The following LIMS1 variants were observed in gnomAD, a reference collection of about 807,000 sequenced individuals.
The protein encoded by LIMS1 is LIM and senescent cell antigen-like-containing domain protein 1.
LIMS1 carries 18 observed loss-of-function variants against 44.1 expected under a neutral mutation model. The observed-to-expected ratio is 0.41, with a 90% CI of 0.28 to 0.61. The LOEUF is 0.61. Ranked by LOEUF, LIMS1 falls within the 20% of genes least tolerant of loss-of-function variation. The pLI is 0.32. For synonymous variants in LIMS1, 93 were observed against 149.1 expected (o/e 0.62, Z 2.74); for missense variants, 201 against 422.0 (o/e 0.48, Z 4.59).
chr2:108,585,787 ATAAGGACTG>A (rs781306397), intron 1 of LIMS1, among the ~76,000 whole-genome samples: 33 of 152,138 alleles, frequency 2.2e-4, no homozygotes, highest in Non-Finnish European at 4.0e-4. Context: ...CAAATGTAAG[ATAAGGACTG>A]AAAAATGCCT....
At chr2:108,607,258 G>T (rs1020305386) in intron 1 of LIMS1, 2 of 1,550,872 alleles carry the variant, frequency 1.3e-6, no homozygotes, top group African/African-American at 2.7e-5. Flanking sequence ...ATGACATGGT[G>T]AGTGCTGCTG....
At chr2:108,619,360 CTT>C (rs747176925) in intron 1 of LIMS1, among the ~76,000 whole-genome samples, 22 of 134,550 alleles carry the variant, frequency 1.6e-4, no homozygotes, top group Middle Eastern at 3.6e-3. Flanking sequence ...TGTTTCTGTT[CTT>C]TTTTTTTTTT....
chr2:108,671,709 C>T (rs1214164713), intron 3 of LIMS1, among the ~76,000 whole-genome samples: 1 of 152,134 alleles, frequency 6.6e-6, no homozygotes, highest in Admixed American at 6.5e-5. Context: ...TCTATGTTGA[C>T]AATGACCAGA....
At chr2:108,576,503 C>A (rs976586713) in intron 1 of LIMS1, among the ~76,000 whole-genome samples, 1 of 152,116 alleles carries the variant, frequency 6.6e-6, no homozygotes, top group Non-Finnish European at 1.5e-5. Context: ...CGGGTTCAAG[C>A]GATTCTTCTG....
At chr2:108,661,864 C>A (rs1691396928) in intron 2 of LIMS1, among the ~76,000 whole-genome samples, 1 of 152,100 alleles carries the variant, frequency 6.6e-6, no homozygotes, top group African/African-American at 2.4e-5. Context: ...TATATGAATC[C>A]CTTCTGTATC....
At chr2:108,551,180 A>G (rs987223121) in intron 1 of LIMS1, among the ~76,000 whole-genome samples, 15 of 151,768 alleles carry the variant, frequency 9.9e-5, no homozygotes, top group African/African-American at 3.6e-4. Flanking sequence ...TTTAAATGCT[A>G]TAAAATTCAC....
At chr2:108,611,639 G>A (rs553261285) in intron 1 of LIMS1, among the ~76,000 whole-genome samples, 58 of 152,102 alleles carry the variant, frequency 3.8e-4, no homozygotes, top group Middle Eastern at 3.4e-3. Context: ...CAGCTCTGTG[G>A]GAGGCCGGGG....
chr2:108,671,004 C>G, intron 3 of LIMS1, 157 bp downstream of exon 3: 3 of 1,050,244 alleles, frequency 2.9e-6, no homozygotes, highest in Non-Finnish European at 2.9e-6. Flanking sequence ...AACCCCGTCT[C>G]TACTAAAAAT....
intron 1 of LIMS1, among the ~76,000 whole-genome samples, chr2:108,566,973 T>C (rs1195202756): frequency 6.6e-6 from 1 of 152,158 alleles, no homozygotes; most frequent in Non-Finnish European, 1.5e-5. Context: ...TCTCCAGAAC[T>C]TTTTCATCTT....
Position 108,598,861 on chromosome 2 carries a change from A to G in LIMS1, c.33-60744A>G, listed in dbSNP as rs557430668. 5.0e-3 allele frequency among the ~76,000 whole-genome samples: 759 copies of G among 152,076 alleles called. 6 individuals carry two copies. Among genetic ancestry groups the G allele is most frequent in the African/African-American group, 0.017 (720 of 41,462 alleles). Reference sequence around the variant, plus strand: ...GAAAAATCTGTTTTCTCAAGGCTCTATAGTAATGATATTTTGTTTAAGTTT... The same window carrying G: ...GAAAAATCTGTTTTCTCAAGGCTCTGTAGTAATGATATTTTGTTTAAGTTT... On this transcript the variant is annotated intron_variant, in intron 1 of 9. Coordinates refer to ENST00000544547, the Ensembl canonical transcript of LIMS1.
intron 1 of LIMS1, among the ~76,000 whole-genome samples, chr2:108,540,459 A>G (rs1435027755): frequency 6.6e-6 from 1 of 152,086 alleles, no homozygotes; most frequent in Non-Finnish European, 1.5e-5. Context: ...CGGCCTCCCA[A>G]AGTGCTGGGA....
In LIMS1 at chr2:108,627,345, G is replaced by A. The variant is rs189723440; in HGVS notation, c.33-32260G>A. ...AGCAGTGTTGATGCTTAAAAATCAG[G>A]TCTGTTAAAGGAATGATAAGAAGTA... On this transcript the variant is annotated intron_variant, in intron 1 of 9. Coordinates refer to ENST00000544547, the Ensembl canonical transcript of LIMS1. 2.0e-3 allele frequency among the ~76,000 whole-genome samples: 309 copies of A among 151,012 alleles called. 3 individuals carry two copies. Among genetic ancestry groups the A allele is most frequent in the African/African-American group, 7.1e-3 (292 of 41,126 alleles).
intron 1 of LIMS1, among the ~76,000 whole-genome samples, chr2:108,619,482 G>A (rs1310489212): frequency 1.3e-5 from 2 of 151,870 alleles, no homozygotes; most frequent in Non-Finnish European, 2.9e-5. Flanking sequence ...CTTGGAGTTC[G>A]AGACCAGCCT....
chr2:108,676,630 A>C, exon 7 of LIMS1: 1 of 1,560,388 alleles, frequency 6.4e-7, no homozygotes, highest in Non-Finnish European at 8.6e-7. Flanking sequence ...CAAGTGTGAG[A>C]AACCCTTTCT....
At chr2:108,682,553 T>A (rs911517080) in intron 9 of LIMS1, among the ~76,000 whole-genome samples, 2 of 152,152 alleles carry the variant, frequency 1.3e-5, no homozygotes, top group Non-Finnish European at 2.9e-5. Context: ...AGGTAGTCTG[T>A]CTGAAAACAG....
rs539981427 is a variant in LIMS1 at position 108,593,026 on chromosome 2, A to G, written c.32+58432A>G. 7.2e-5 allele frequency among the ~76,000 whole-genome samples: 11 copies of G among 152,262 alleles called. No homozygotes were observed. The South Asian group carries it at 1.9e-3, about 26-fold the overall frequency. ...ATACCTGTTTGCATCCTTGTTTTCA[A>G]TTCTTTTGGATATATACCCAGAACT... On this transcript the variant is annotated intron_variant, in intron 1 of 9. Transcript: ENST00000544547.
At chr2:108,586,663 G>A (rs1686119455) in intron 1 of LIMS1, among the ~76,000 whole-genome samples, 1 of 152,196 alleles carries the variant, frequency 6.6e-6, no homozygotes, top group South Asian at 2.1e-4. Context: ...AGGATGTTCT[G>A]CTGGGACTCA....
chr2:108,569,180 C>T (rs758279053), intron 1 of LIMS1, among the ~76,000 whole-genome samples: 1 of 152,038 alleles, frequency 6.6e-6, no homozygotes, highest in Non-Finnish European at 1.5e-5. Flanking sequence ...CGTGAGCCAC[C>T]GCACCTGGCC....
chr2:108,592,913 G>A (rs1182622497), intron 1 of LIMS1, among the ~76,000 whole-genome samples: 1 of 152,284 alleles, frequency 6.6e-6, no homozygotes, highest in East Asian at 1.9e-4. Context: ...ATAGTAAAAT[G>A]TATATAACAT....
Sources: allele counts gnomAD v4.1 joint callset (sites outside exome capture counted in the v4.1 genomes callset), GRCh38; gene constraint gnomAD v4.1.1; transcripts MANE v1.5; gene names NCBI Gene and HGNC (gene_info 2026-07-23, HGNC 2026-07-21).